MARCHF2: variants seen among roughly 807,000 people sequenced by gnomAD.
MARCHF2 encodes E3 ubiquitin-protein ligase MARCHF2.
MARCHF2 carries 22 observed loss-of-function variants against 24.0 expected under a neutral mutation model. The observed-to-expected ratio is 0.92, with a 90% CI of 0.66 to 1.31. The LOEUF (loss-of-function observed/expected upper bound fraction) is 1.31, where lower values mean the gene tolerates loss of function less well. Among genes scored for constraint, MARCHF2 ranks in the 50% most tolerant of loss-of-function variants. MARCHF2 has a pLI of 0.00. For synonymous variants in MARCHF2, 154 were observed against 153.0 expected (o/e 1.01, Z -0.05); for missense variants, 301 against 335.3 (o/e 0.90, Z 0.80).
Position 8,430,544 on chromosome 19 carries a change from A to C in MARCHF2, c.373-114A>C. 1 of 804,652 alleles carries C rather than the reference A, an allele frequency of 1.2e-6. No individual in the cohort carries two copies. Among genetic ancestry groups the C allele is most frequent in the Non-Finnish European group, 1.9e-6 (1 of 513,954 alleles). 49.8% of individuals were successfully genotyped at this position (804,652 alleles called of 1,614,324 possible). On this transcript the variant is annotated intron_variant, in intron 3 of 4. Coordinates refer to ENST00000215555, the MANE Select transcript of MARCHF2 (RefSeq NM_001005415.2). This position sits in a 1 kb window ranked among gnomAD's most constrained non-coding sequence, Gnocchi z 4.4. ...AGTGAGAATCTGTCTCAAAAAAAAA[A>C]AAAAGAAAGAAGGAAAGGACAGAGG...
chr19:8,429,135 C>T (rs1015576348), intron 3 of MARCHF2, among the ~76,000 whole-genome samples: 1 of 151,914 alleles, frequency 6.6e-6, no homozygotes, highest in South Asian at 2.1e-4. Flanking sequence ...TTGCATCTGC[C>T]GCCCCTGCAG....
At position 8,430,821 on chromosome 19, in the gene MARCHF2, T is replaced by C. The variant is rs1337231737; in HGVS notation, c.536T>C (p.Ile179Thr). The change falls in exon 4 of 5, where the codon ATT (isoleucine) becomes ACT (threonine). Residue 179 changes from isoleucine to threonine, a missense_variant. By Grantham distance (89) the Ile-to-Thr change is moderately conservative (BLOSUM62 -1). Coordinates refer to ENST00000215555, the MANE Select transcript of MARCHF2 (RefSeq NM_001005415.2). The surrounding 1 kb of genome is among the most constrained non-coding windows in gnomAD (Gnocchi z 4.4). ...AGCCAGCTGGAGGCCGTGGGTCTCA[T>C]TGCCCTCACCATCGCCCTCTTCACC... ...LHSQLEAVGL[I>T]ALTIALFTIY... is the part of the protein sequence containing the mutation. 1 of 1,610,794 alleles carries C rather than the reference T, an allele frequency of 6.2e-7. No individual in the cohort carries two copies. The highest frequency in any genetic ancestry group is 8.5e-7 in the Non-Finnish European group (1 of 1,179,966).
chr19:8,422,683 G>A (rs1044783956), intron 2 of MARCHF2, among the ~76,000 whole-genome samples: 3 of 147,626 alleles, frequency 2.0e-5, no homozygotes, highest in African/African-American at 5.1e-5. Context: ...GTGAGCCACC[G>A]TGCCCAGCCT....
At chr19:8,436,272 C>T (rs1967719942) in intron 4 of MARCHF2, among the ~76,000 whole-genome samples, 1 of 151,530 alleles carries the variant, frequency 6.6e-6, no homozygotes. Flanking sequence ...GTAGCTGGGA[C>T]TACAGGCCTG....
At chr19:8,415,857 C>T (rs1231684984) in intron 1 of MARCHF2, among the ~76,000 whole-genome samples, 1 of 152,082 alleles carries the variant, frequency 6.6e-6, no homozygotes, top group East Asian at 1.9e-4. Flanking sequence ...GAGCTGAGTC[C>T]GACTTGCAGT....
chr19:8,419,912 A>G (rs12980131), intron 1 of MARCHF2, among the ~76,000 whole-genome samples: 39,172 of 149,848 alleles, frequency 0.26, 6,120 homozygotes, highest in Non-Finnish European at 0.34. Context: ...TAATCCTAGC[A>G]CTTTGGGAGG....
At chr19:8,433,361 G>A (rs1967629813) in intron 4 of MARCHF2, among the ~76,000 whole-genome samples, 1 of 151,544 alleles carries the variant, frequency 6.6e-6, no homozygotes, top group Non-Finnish European at 1.5e-5. Context: ...TGAGAAACAT[G>A]GTGAAACCCC....
intron 1 of MARCHF2, among the ~76,000 whole-genome samples, chr19:8,419,958 A>T (rs992885080): frequency 3.3e-5 from 5 of 149,618 alleles, no homozygotes; most frequent in African/African-American, 1.2e-4. Context: ...GGAGATGGAG[A>T]TCATCCTGGC....
chr19:8,421,749 A>G (rs55654865), intron 1 of MARCHF2, 40 bp from the exon 2 acceptor site: 377,946 of 1,240,184 alleles, frequency 0.3, 60,128 homozygotes, highest in Middle Eastern at 0.35. Flanking sequence ...CGTCAGGCTC[A>G]TTAACCTTGC....
At position 8,415,721 on chromosome 19, in the gene MARCHF2, C is replaced by CAAAAAAAAAAAAAA. The variant is rs1309501077; in HGVS notation, c.-53+2314_-53+2315insAAAAAAAAAAAAAA. Among the ~76,000 whole-genome samples, 53 of 17,790 alleles carry CAAAAAAAAAAAAAA rather than the reference C, an allele frequency of 3.0e-3. 2 individuals are homozygous for CAAAAAAAAAAAAAA. The highest frequency in any genetic ancestry group is 4.5e-3 in the Non-Finnish European group (40 of 8,820). The allele number at this position is 17,790 out of a possible 152,430, so 11.7% of individuals were successfully genotyped here. On this transcript the variant is annotated intron_variant, in intron 1 of 4. Transcript: ENST00000215555. ...GGGCAACAAGAGTGAAACTCCATCT[C>CAAAAAAAAAAAAAA]AAAAAAAAAAAAACAAAAAAAACAA...
intron 1 of MARCHF2, among the ~76,000 whole-genome samples, chr19:8,417,265 G>A (rs1967108272): frequency 1.3e-5 from 2 of 152,046 alleles, no homozygotes; most frequent in Non-Finnish European, 2.9e-5. Flanking sequence ...CCAACGTGGT[G>A]AAACCCTGTC....
chr19:8,434,797 C>G (rs1342860259), intron 4 of MARCHF2, among the ~76,000 whole-genome samples: 1 of 152,074 alleles, frequency 6.6e-6, no homozygotes, highest in Non-Finnish European at 1.5e-5. Flanking sequence ...ACTTCCGCCT[C>G]CCGGGTTCAA....
intron 2 of MARCHF2, among the ~76,000 whole-genome samples, chr19:8,425,385 C>T (rs1967369666): frequency 2.0e-5 from 3 of 148,678 alleles, no homozygotes; most frequent in South Asian, 4.3e-4. Context: ...GATGACAGAG[C>T]GAGACTCCAT....
chr19:8,424,389 C>T (rs1433265204), intron 2 of MARCHF2, among the ~76,000 whole-genome samples: 1 of 152,156 alleles, frequency 6.6e-6, no homozygotes, highest in Non-Finnish European at 1.5e-5. Flanking sequence ...TTTCCCAGGC[C>T]TTGCGCAGTG....
chr19:8,438,077 C>T (rs1322413941), intron 4 of MARCHF2, among the ~76,000 whole-genome samples: 1 of 152,052 alleles, frequency 6.6e-6, no homozygotes, highest in Non-Finnish European at 1.5e-5. Context: ...GATTGATTGA[C>T]ATTTAATGCC....
intron 3 of MARCHF2, among the ~76,000 whole-genome samples, chr19:8,428,206 G>A (rs1163167126): frequency 6.6e-6 from 1 of 151,952 alleles, no homozygotes; most frequent in African/African-American, 2.4e-5. Context: ...CTTGCAGTGA[G>A]CTGAGATCAG....
chr19:8,419,524 T>C (rs1227966728), intron 1 of MARCHF2, among the ~76,000 whole-genome samples: 1 of 134,284 alleles, frequency 7.4e-6, no homozygotes, highest in Non-Finnish European at 1.6e-5. Flanking sequence ...ACAATAAAAA[T>C]AAAAATAATT....
At chr19:8,417,214 C>T (rs1199486510) in intron 1 of MARCHF2, among the ~76,000 whole-genome samples, 6 of 151,970 alleles carry the variant, frequency 3.9e-5, no homozygotes, top group African/African-American at 4.8e-5. Flanking sequence ...GAGGCCGAGG[C>T]GGGCAGATCA....
chr19:8,434,018 A>T (rs1027902436), intron 4 of MARCHF2, among the ~76,000 whole-genome samples: 8 of 149,636 alleles, frequency 5.3e-5, no homozygotes, highest in Non-Finnish European at 7.4e-5. Context: ...CATAACCACT[A>T]TTGTCCAGCT....
Sources: gnomAD v4.1 joint callset for allele counts (sites outside exome capture counted in the v4.1 genomes callset) on GRCh38, gnomAD v4.1.1 for gene constraint, Gnocchi (gnomAD v3.1) non-coding constraint, MANE v1.5 for transcripts, NCBI Gene and HGNC (gene_info 2026-07-23, HGNC 2026-07-21) for gene names.